The following CNTN5 variants were observed in gnomAD, a reference collection of about 807,000 sequenced individuals.
CNTN5 encodes contactin-5.
Under a neutral mutation model 129.1 loss-of-function variants are expected in CNTN5, and 77 were observed. The observed-to-expected ratio is 0.60, with a 90% CI of 0.50 to 0.72. The LOEUF (loss-of-function observed/expected upper bound fraction) is 0.72. CNTN5 is among the 30% of genes least tolerant of loss of function. CNTN5 has a pLI of 0.00. For synonymous variants in CNTN5, 509 were observed against 465.6 expected, an observed-to-expected ratio of 1.09 and a Z score of -1.20; for missense variants, 1,478 against 1,328.8, an observed-to-expected ratio of 1.11 and a Z score of -1.75.
chr11:100,057,761 T>A (rs952645483), intron 9 of CNTN5, among the ~76,000 whole-genome samples: 5 of 152,000 alleles, frequency 3.3e-5, no homozygotes, highest in African/African-American at 1.2e-4. Context: ...CTAACCAATA[T>A]GTAGTGTTAT....
chr11:100,045,753 A>G (rs1008997523), intron 9 of CNTN5, among the ~76,000 whole-genome samples: 2 of 151,392 alleles, frequency 1.3e-5, no homozygotes, highest in African/African-American at 2.4e-5. Flanking sequence ...CTAGAAATCT[A>G]CTAGAGATGC....
chr11:99,640,226 A>G (rs1361866725), intron 3 of CNTN5, among the ~76,000 whole-genome samples: 1 of 152,148 alleles, frequency 6.6e-6, no homozygotes, highest in Non-Finnish European at 1.5e-5. Flanking sequence ...GTTTTTGGGT[A>G]TCTTTTCAGC....
chr11:99,675,330 T>A (rs1953228787), intron 3 of CNTN5, among the ~76,000 whole-genome samples: 1 of 152,008 alleles, frequency 6.6e-6, no homozygotes, highest in South Asian at 2.1e-4. Context: ...ACTAAAGAAG[T>A]CATCTGTGGG....
rs1368137641 is a variant in CNTN5, at chr11:99,289,721, A to G, written c.-209-35625A>G. The stretch of plus-strand genomic sequence containing the variant: ...ATATGCTTCTCAAATGTTCAAGGAC[A>G]TTTCTCGACAAGTGTTGATCATTGT... On this transcript the variant is annotated intron_variant, in intron 1 of 24. Coordinates refer to ENST00000524871, the MANE Select transcript of CNTN5 (RefSeq NM_014361.4). Among the ~76,000 whole-genome samples the G allele has an allele frequency of 4.6e-5, 7 of 151,758 alleles. No individual in the cohort carries two copies. In the East Asian group the frequency reaches 1.3e-3, roughly 29 times the overall value.
intron 2 of CNTN5, among the ~76,000 whole-genome samples, chr11:99,360,696 G>A (rs2136107234): frequency 6.6e-6 from 1 of 152,192 alleles, no homozygotes; most frequent in South Asian, 2.1e-4. Context: ...TGCTATTGTG[G>A]TCCCTCTTCT....
At chr11:100,118,979 T>C (rs1945927044) in intron 13 of CNTN5, among the ~76,000 whole-genome samples, 1 of 151,800 alleles carries the variant, frequency 6.6e-6, no homozygotes, top group Non-Finnish European at 1.5e-5. Context: ...ATAAGCCATG[T>C]ACATTTTCTA....
intron 13 of CNTN5, among the ~76,000 whole-genome samples, chr11:100,161,623 G>A (rs1310605609): frequency 1.3e-5 from 2 of 151,728 alleles, no homozygotes; most frequent in African/African-American, 4.8e-5. Context: ...GTGGATTTGA[G>A]TCCTCTCCTT....
chr11:99,485,551 T>C (rs1334848638), intron 2 of CNTN5, among the ~76,000 whole-genome samples: 1 of 152,006 alleles, frequency 6.6e-6, no homozygotes, highest in Non-Finnish European at 1.5e-5. Flanking sequence ...ATAAAGGAAC[T>C]CTCTAAACTC....
intron 3 of CNTN5, among the ~76,000 whole-genome samples, chr11:99,674,251 T>G (rs1015830623): frequency 5.9e-5 from 9 of 152,022 alleles, no homozygotes; most frequent in Non-Finnish European, 2.9e-5. Context: ...GCTGCATATA[T>G]GCCTTCTTTT....
chr11:100,085,497 TG>T (rs1449646567), intron 13 of CNTN5, among the ~76,000 whole-genome samples: 1 of 152,024 alleles, frequency 6.6e-6, no homozygotes, highest in Non-Finnish European at 1.5e-5. Flanking sequence ...TAAGACACTA[TG>T]CCAGTTCATA....
intron 9 of CNTN5, among the ~76,000 whole-genome samples, chr11:100,003,470 A>G (rs1940004132): frequency 1.3e-5 from 2 of 152,200 alleles, no homozygotes; most frequent in Admixed American, 1.3e-4. Flanking sequence ...TGGCTTGAAG[A>G]CAAGGGTTTT....
chr11:99,752,633 G>A (rs1257713382), intron 3 of CNTN5, among the ~76,000 whole-genome samples: 3 of 152,062 alleles, frequency 2.0e-5, no homozygotes, highest in African/African-American at 7.2e-5. Context: ...TAAAAACGAT[G>A]TTTTAAGGTT....
At chr11:100,054,514 G>A (rs1237915083) in intron 9 of CNTN5, among the ~76,000 whole-genome samples, 2 of 151,614 alleles carry the variant, frequency 1.3e-5, no homozygotes, top group African/African-American at 2.4e-5. Context: ...CCTTTTCTAG[G>A]TTTAGAAGCG....
At chr11:100,289,775 G>A (rs1226206674) in intron 18 of CNTN5, among the ~76,000 whole-genome samples, 1 of 150,644 alleles carries the variant, frequency 6.6e-6, no homozygotes, top group Non-Finnish European at 1.5e-5. Context: ...TCAGGCAGGA[G>A]AAGGAAATAA....
Position 99,719,791 on chromosome 11 carries a change from T to C in CNTN5, c.56-99753T>C, listed in dbSNP as rs896346619. On this transcript the variant is annotated intron_variant, in intron 3 of 24. Transcript: ENST00000524871. ...AATAATAGGCCACTAGCTAAACTAA[T>C]TGAAAAGAAAAGAGAGACTATCTAA... is the stretch of plus-strand genomic sequence containing the variant. 3.3e-5 allele frequency among the ~76,000 whole-genome samples: 5 copies of C among 151,648 alleles called. No individual in the cohort carries two copies. In the South Asian group the frequency reaches 1.0e-3, roughly 31 times the overall value.
chr11:99,833,773 C>T lies in CNTN5; in HGVS notation c.278-11079C>T, dbSNP rs554141279. Among the ~76,000 whole-genome samples, 45 of 152,202 alleles carry T rather than the reference C, an allele frequency of 3.0e-4. No individual in the cohort carries two copies. The South Asian group carries it at 8.9e-3, about 30-fold the overall frequency. On this transcript the variant is annotated intron_variant, in intron 4 of 24. Transcript: ENST00000524871. ...GAACTTGATCATCCTGTTCAAGACC[C>T]TCTTGTAGAAGACTCTTGCCAACAC...
intron 1 of CNTN5, among the ~76,000 whole-genome samples, chr11:99,048,382 A>G (rs969846329): frequency 6.6e-6 from 1 of 152,168 alleles, no homozygotes; most frequent in Non-Finnish European, 1.5e-5. Context: ...CAAAAAGCAC[A>G]TTAATCAACC....
intron 16 of CNTN5, among the ~76,000 whole-genome samples, chr11:100,247,657 A>T (rs933182610): frequency 2.0e-5 from 3 of 152,168 alleles, no homozygotes; most frequent in African/African-American, 7.2e-5. Flanking sequence ...TTCTATCAAT[A>T]ATACCATACT....
At chr11:99,393,231 A>C (rs1431833289) in intron 2 of CNTN5, among the ~76,000 whole-genome samples, 1 of 151,790 alleles carries the variant, frequency 6.6e-6, no homozygotes, top group Non-Finnish European at 1.5e-5. Flanking sequence ...CTCAGGTTAC[A>C]GGAAGACATA....
Sources: allele counts gnomAD v4.1 joint callset (sites outside exome capture counted in the v4.1 genomes callset), GRCh38; gene constraint gnomAD v4.1.1; transcripts MANE v1.5; gene names NCBI Gene and HGNC (gene_info 2026-07-23, HGNC 2026-07-21).